Variants in MGMT observed in about 807,000 individuals in gnomAD.
MGMT encodes methylated-DNA--protein-cysteine methyltransferase.
In MGMT, 14 loss-of-function variants were observed where a neutral mutation model predicts 15.9. The observed-to-expected ratio is 0.88, with a 90% CI of 0.58 to 1.37. The LOEUF is 1.37. Among genes scored for constraint, MGMT ranks in the 40% most tolerant of loss-of-function variants. MGMT has a pLI of 0.00. For synonymous variants in MGMT, 130 were observed against 118.2 expected (o/e 1.10, Z -0.65); for missense variants, 282 against 268.1 (o/e 1.05, Z -0.36).
At chr10:129,544,241 T>C (rs572664674) in intron 2 of MGMT, among the ~76,000 whole-genome samples, 43 of 152,266 alleles carry the variant, frequency 2.8e-4, no homozygotes, top group African/African-American at 8.7e-4. Context: ...TAGAATTACA[T>C]TGTATGCTGT....
intron 1 of MGMT, among the ~76,000 whole-genome samples, chr10:129,499,951 G>A (rs1845558771): frequency 6.6e-6 from 1 of 152,162 alleles, no homozygotes; most frequent in Non-Finnish European, 1.5e-5. Flanking sequence ...TCTTATTTTT[G>A]GAAGGGAGAG....
At chr10:129,520,814 G>A (rs1845798939) in intron 1 of MGMT, among the ~76,000 whole-genome samples, 1 of 149,302 alleles carries the variant, frequency 6.7e-6, no homozygotes, top group East Asian at 2.0e-4. Flanking sequence ...GAGCCCCTAC[G>A]GTGCGGGTAC....
chr10:129,721,234 T>G (rs1848367410), intron 3 of MGMT, among the ~76,000 whole-genome samples: 1 of 152,284 alleles, frequency 6.6e-6, no homozygotes, highest in Non-Finnish European at 1.5e-5. Flanking sequence ...AGTTTTTGCC[T>G]TTAAAACTAA....
intron 3 of MGMT, among the ~76,000 whole-genome samples, chr10:129,714,451 C>G (rs1187019592): frequency 2.0e-5 from 3 of 152,146 alleles, no homozygotes; most frequent in African/African-American, 7.2e-5. Context: ...CAAGCACTTT[C>G]CTTTTTCAAG....
chr10:129,595,336 T>G (rs1363333628), intron 2 of MGMT, among the ~76,000 whole-genome samples: 1 of 152,176 alleles, frequency 6.6e-6, no homozygotes, highest in African/African-American at 2.4e-5. Flanking sequence ...AAGTGTACTC[T>G]TAGATGCATT....
chr10:129,729,017 G>C (rs1200102473), intron 3 of MGMT, among the ~76,000 whole-genome samples: 1 of 152,072 alleles, frequency 6.6e-6, no homozygotes, highest in Non-Finnish European at 1.5e-5. Context: ...TCTTTCTCTA[G>C]TGACCTTAGA....
intron 2 of MGMT, among the ~76,000 whole-genome samples, chr10:129,683,984 G>T (rs577775223): frequency 2.0e-5 from 3 of 152,196 alleles, no homozygotes; most frequent in Non-Finnish European, 2.9e-5. Context: ...CTTGCTGGTA[G>T]CTGCTCCCCA....
At chr10:129,715,880 A>T (rs966550423) in intron 3 of MGMT, among the ~76,000 whole-genome samples, 7 of 152,210 alleles carry the variant, frequency 4.6e-5, no homozygotes, top group Non-Finnish European at 7.3e-5. Context: ...CTCGGAATAT[A>T]AGATTCATGA....
intron 3 of MGMT, among the ~76,000 whole-genome samples, chr10:129,725,764 T>C (rs1589960449): frequency 1.3e-5 from 2 of 152,318 alleles, no homozygotes; most frequent in African/African-American, 2.4e-5. Flanking sequence ...CACGTAACTC[T>C]TGTCCTTAGC....
rs1846471403 is a variant in MGMT, at chr10:129,575,590, C to T, written c.125+39213C>T. Reference sequence around the variant, plus strand: ...GCCCACAAGAGAAAGCAGGAAAGATCTAAAATTGACACCCTAACATCACAA... The same window carrying T: ...GCCCACAAGAGAAAGCAGGAAAGATTTAAAATTGACACCCTAACATCACAA... On this transcript the variant is annotated intron_variant, in intron 2 of 4. Transcript: ENST00000651593. Among the ~76,000 whole-genome samples, 3 of 148,556 alleles carry T rather than the reference C, an allele frequency of 2.0e-5. No individual in the cohort carries two copies. In the South Asian group the frequency reaches 6.8e-4, roughly 34 times the overall value.
intron 3 of MGMT, among the ~76,000 whole-genome samples, chr10:129,747,339 A>G (rs1848705934): frequency 1.3e-5 from 2 of 152,258 alleles, no homozygotes; most frequent in Admixed American, 1.3e-4. Context: ...TTGCAGATAC[A>G]GTTGTCAGAT....
chr10:129,712,339 C>G (rs1425392943), intron 3 of MGMT, among the ~76,000 whole-genome samples: 1 of 152,182 alleles, frequency 6.6e-6, no homozygotes, highest in Non-Finnish European at 1.5e-5. Context: ...CTGCAATGTT[C>G]CCTTTTAAAT....
At chr10:129,628,678 G>A (rs1847177996) in intron 2 of MGMT, among the ~76,000 whole-genome samples, 1 of 152,192 alleles carries the variant, frequency 6.6e-6, no homozygotes, top group South Asian at 2.1e-4. Flanking sequence ...TGCGTGTTGG[G>A]CTCAAACGCA....
Position 129,706,592 on chromosome 10 carries a change from G to A in MGMT, c.126-1303G>A, listed in dbSNP as rs184115450. On this transcript the variant is annotated intron_variant, in intron 2 of 4. Coordinates refer to ENST00000651593, the MANE Select transcript of MGMT (RefSeq NM_002412.5). ...CCGTGCTCCAAGCCTGGGAAGTCCC[G>A]GGGAAGCATGCCGTTTGTCTGGGGC... 1.5e-3 allele frequency among the ~76,000 whole-genome samples: 232 copies of A among 152,046 alleles called. 1 individual carries two copies. The highest frequency in any genetic ancestry group is 3.4e-3 in the Middle Eastern group (1 of 294).
At chr10:129,718,179 C>T (rs543746004) in intron 3 of MGMT, among the ~76,000 whole-genome samples, 64 of 152,306 alleles carry the variant, frequency 4.2e-4, no homozygotes, top group Admixed American at 1.2e-3. Context: ...ATGATTTACA[C>T]GACCAGAGCT....
chr10:129,702,787 A>G (rs1848114748), intron 2 of MGMT, among the ~76,000 whole-genome samples: 1 of 152,176 alleles, frequency 6.6e-6, no homozygotes, highest in Non-Finnish European at 1.5e-5. Flanking sequence ...GTGGTGGGTG[A>G]GTTGCAGGGC....
At chr10:129,612,895 C>T (rs1468225457) in intron 2 of MGMT, among the ~76,000 whole-genome samples, 1 of 152,230 alleles carries the variant, frequency 6.6e-6, no homozygotes, top group East Asian at 1.9e-4. Context: ...CCTTCCTGAG[C>T]AGTGAGACTC....
At chr10:129,608,612 A>G (rs1470979018) in intron 2 of MGMT, among the ~76,000 whole-genome samples, 1 of 152,264 alleles carries the variant, frequency 6.6e-6, no homozygotes, top group South Asian at 2.1e-4. Flanking sequence ...CTCTCTGCGT[A>G]TAATTATACG....
At chr10:129,726,123 T>C (rs942357410) in intron 3 of MGMT, among the ~76,000 whole-genome samples, 8 of 152,070 alleles carry the variant, frequency 5.3e-5, no homozygotes, top group Non-Finnish European at 1.2e-4. Flanking sequence ...TGCTGAGTGC[T>C]TTCCAAGTGG....
Sources: allele counts gnomAD v4.1 joint callset (sites outside exome capture counted in the v4.1 genomes callset), GRCh38; gene constraint gnomAD v4.1.1; transcripts MANE v1.5; gene names NCBI Gene and HGNC (gene_info 2026-07-23, HGNC 2026-07-21).